GPR35: variants seen among roughly 807,000 people sequenced by gnomAD.
The protein encoded by GPR35 is G protein-coupled receptor 35.
For missense variants in GPR35, 372 were observed against 422.5 expected (o/e 0.88, Z 1.05); for synonymous variants, 207 against 198.4 (o/e 1.04, Z -0.36).
At chr2:240,628,279 C>G (rs778062573) in intron 1 of GPR35, 16 of 152,312 alleles carry the variant, frequency 1.1e-4, no homozygotes, top group South Asian at 2.1e-4. Context: ...TGGGGATGTC[C>G]TCGGAGCCTG....
intron 5 of GPR35, chr2:240,619,157 G>A (rs1228578749): frequency 1.8e-6 from 1 of 564,672 alleles, no homozygotes; most frequent in African/African-American, 1.9e-5. Context: ...TGATCAATGG[G>A]TGATATCCGA....
chr2:240,613,840 C>A (rs764614558), intron 2 of GPR35, among the ~76,000 whole-genome samples: 16 of 151,422 alleles, frequency 1.1e-4, no homozygotes, highest in Non-Finnish European at 2.2e-4. Flanking sequence ...CAACTACAAC[C>A]ATAACCCTAA....
intron 2 of GPR35, among the ~76,000 whole-genome samples, chr2:240,613,382 T>C (rs757869502): frequency 6.6e-6 from 1 of 151,718 alleles, no homozygotes; most frequent in African/African-American, 2.4e-5. Context: ...GGACAAGGAG[T>C]GAAGAATCTC....
chr2:240,614,876 A>G (rs971643825), intron 2 of GPR35, among the ~76,000 whole-genome samples: 1 of 146,932 alleles, frequency 6.8e-6, no homozygotes, highest in African/African-American at 2.7e-5. Context: ...TGTAGTATCT[A>G]TATATATGTG....
chr2:240,622,121 C>T (rs2043302854), upstream of GPR35, among the ~76,000 whole-genome samples: 1 of 152,116 alleles, frequency 6.6e-6, no homozygotes, highest in African/African-American at 2.4e-5. Flanking sequence ...CTCAAGCCAA[C>T]CTCCCACCTT....
upstream of GPR35, among the ~76,000 whole-genome samples, chr2:240,623,387 G>A (rs1261730220): frequency 2.9e-5 from 3 of 103,864 alleles, no homozygotes; most frequent in South Asian, 3.5e-4. Context: ...TCGTGAGGGC[G>A]CAAACAGGTC....
At chr2:240,617,169 G>A in exon 4 of GPR35, 1 of 714,392 alleles carries the variant, frequency 1.4e-6, no homozygotes. Flanking sequence ...CACCTGGATT[G>A]CAGACTCATG....
chr2:240,612,378 G>C lies in GPR35; in HGVS notation c.-576-4010G>C, dbSNP rs182408166. 3.5e-5 allele frequency among the ~76,000 whole-genome samples: 5 copies of C among 142,764 alleles called. No individual in the cohort carries two copies. In the East Asian group the frequency reaches 1.0e-3, roughly 30 times the overall value. The allele number at this position is 142,764 out of a possible 152,430, so 93.7% of individuals were successfully genotyped here. A position where few individuals can be genotyped will look rare whatever the true frequency, so the allele number is the denominator to read the frequency against. ...GGAGGCGGAGCTTGAAGTGAGTGGAGATCACGCCACTGCACTCCAGCCTGG... is the reference window on the plus strand; with the variant it reads ...GGAGGCGGAGCTTGAAGTGAGTGGACATCACGCCACTGCACTCCAGCCTGG... On this transcript the variant is annotated intron_variant, in intron 2 of 5. Transcript: ENST00000319838.
At position 240,630,001 on chromosome 2, in the gene GPR35, C is replaced by T. The variant is rs751243893; in HGVS notation, c.49C>T (p.Pro17Ser). Residue 17 changes from proline (P) to serine (S), a missense_variant, in exon 2 of 2, where the codon CCA becomes TCA. Physicochemically the swap from Pro to Ser is moderately conservative, Grantham distance 74. Coordinates refer to ENST00000407714, the MANE Select transcript of GPR35 (RefSeq NM_005301.5). ...TGGCTCCAGCGACCTCACCTGGCCCCCAGCGATCAAGCTGGGCTTCTACGC... is the reference window on the plus strand; with the variant it reads ...TGGCTCCAGCGACCTCACCTGGCCCTCAGCGATCAAGCTGGGCTTCTACGC... ...TCGSSDLTWP[P>S]AIKLGFYAYL... 2 of 1,611,734 alleles carry T rather than the reference C, an allele frequency of 1.2e-6. No individual in the cohort carries two copies. The highest frequency in any genetic ancestry group is 2.2e-5 in the East Asian group (1 of 44,802).
rs781549052 is a variant in GPR35 at position 240,630,287 on chromosome 2, T to A, written c.335T>A (p.Val112Glu). The change falls in exon 2 of 2, where the codon GTG (valine) becomes GAG (glutamate). Residue 112 changes from valine (V) to glutamate (E), a missense_variant. Physicochemically the swap from Val to Glu is moderately radical, Grantham distance 121. Coordinates refer to ENST00000407714, the MANE Select transcript of GPR35 (RefSeq NM_005301.5). ...MSISLVTAIAVDRYVAVRHPL... is the reference protein window; with the variant it reads ...MSISLVTAIAEDRYVAVRHPL... The stretch of plus-strand genomic sequence containing the variant: ...ATCAGCCTGGTCACGGCCATCGCCG[T>A]GGACCGCTATGTGGCCGTGCGGCAC... 1 of 1,568,172 alleles carries A rather than the reference T, an allele frequency of 6.4e-7. No homozygotes were observed. Among genetic ancestry groups the A allele is most frequent in the Non-Finnish European group, 8.6e-7 (1 of 1,161,878 alleles).
intron 2 of GPR35, among the ~76,000 whole-genome samples, chr2:240,608,117 C>G (rs1212228854): frequency 6.6e-6 from 1 of 152,154 alleles, no homozygotes; most frequent in East Asian, 1.9e-4. Flanking sequence ...GTCTTGAACT[C>G]CTATCTTCAA....
Position 240,630,910 on chromosome 2 carries a change from G to T in GPR35, c.*28G>T, listed in dbSNP as rs774146102. 6.4e-7 allele frequency: 1 copy of T among 1,572,784 alleles called. No homozygotes were observed. The highest frequency in any genetic ancestry group is 8.7e-7 in the Non-Finnish European group (1 of 1,153,748). On this transcript the variant is annotated 3_prime_UTR_variant, in exon 2 of 2. Coordinates refer to ENST00000407714, the MANE Select transcript of GPR35 (RefSeq NM_005301.5). ...GGCGTGCTGTGGGCGCTGTGGGCCA[G>T]GTCTCGGGGGCTCCGGGAGGTGCTG...
Position 240,631,292 on chromosome 2 carries a change from G to A in GPR35, c.*410G>A, listed in dbSNP as rs1365205541. The A allele has an allele frequency of 8.9e-6, 2 of 225,034 alleles. No individual in the cohort carries two copies. The highest frequency in any genetic ancestry group is 2.3e-5 in the African/African-American group (1 of 43,458). The allele number at this position is 225,034 out of a possible 1,614,324, so 13.9% of individuals were successfully genotyped here. On this transcript the variant is annotated 3_prime_UTR_variant, in exon 2 of 2. Coordinates refer to ENST00000407714, the MANE Select transcript of GPR35 (RefSeq NM_005301.5). ...CCTCTGTGTTTCGCACTCGTGTGGTGGGAGGCAGGGAGGGAGCGCGTGGCT... is the reference window on the plus strand; with the variant it reads ...CCTCTGTGTTTCGCACTCGTGTGGTAGGAGGCAGGGAGGGAGCGCGTGGCT...
intron 5 of GPR35, chr2:240,619,112 A>T: frequency 3.0e-6 from 2 of 663,462 alleles, no homozygotes; most frequent in Non-Finnish European, 5.5e-6. Context: ...TGCCAAATCC[A>T]CCTGCCTGGG....
Position 240,626,363 on chromosome 2 carries a change from T to C in GPR35, c.-5+795T>C, listed in dbSNP as rs895255498. 4.8e-5 allele frequency among the ~76,000 whole-genome samples: 7 copies of C among 146,250 alleles called. No individual in the cohort carries two copies. In the Admixed American group the frequency reaches 4.8e-4, roughly 10 times the overall value. On this transcript the variant is annotated intron_variant, in intron 1 of 1. Coordinates refer to ENST00000407714, the MANE Select transcript of GPR35 (RefSeq NM_005301.5). ...AGTGGGGTGAGGCTGTGACGGGGTC[T>C]CAGAGTGGGGTGAGGCTCTGATGGG...
At chr2:240,607,846 C>T (rs1442871735) in intron 2 of GPR35, among the ~76,000 whole-genome samples, 1 of 151,056 alleles carries the variant, frequency 6.6e-6, no homozygotes, top group Non-Finnish European at 1.5e-5. Flanking sequence ...TCCTTCTCTT[C>T]CTCCTCCTCC....
chr2:240,624,681 C>T (rs55970834), upstream of GPR35, among the ~76,000 whole-genome samples: 8,087 of 152,182 alleles, frequency 0.053, 292 homozygotes, highest in South Asian at 0.11. Context: ...GTGGGGCCCA[C>T]GTTGAGGAGA....
At chr2:240,616,003 G>A (rs987811517) in intron 2 of GPR35, among the ~76,000 whole-genome samples, 2 of 152,160 alleles carry the variant, frequency 1.3e-5, no homozygotes, top group Admixed American at 6.5e-5. Context: ...TTGCCAGCAG[G>A]CCCCACAGGA....
chr2:240,621,027 A>G (rs951040739), upstream of GPR35, among the ~76,000 whole-genome samples: 3 of 152,042 alleles, frequency 2.0e-5, no homozygotes, highest in African/African-American at 7.2e-5. Context: ...TTCTGTGAAG[A>G]GGGGAACAGA....
Sources: allele counts gnomAD v4.1 joint callset (sites outside exome capture counted in the v4.1 genomes callset), GRCh38; gene constraint gnomAD v4.1.1; transcripts MANE v1.5; gene names NCBI Gene and HGNC (gene_info 2026-07-23, HGNC 2026-07-21).